The following CENPS variants were observed in gnomAD, a reference collection of about 807,000 sequenced individuals.
CENPS encodes centromere protein S, also known as FANCM associated histone fold protein 1.
CENPS carries 16 observed loss-of-function variants against 17.9 expected under a neutral mutation model. The ratio of observed to expected loss-of-function variants is 0.90; its 90% CI spans 0.61 to 1.36. The LOEUF (loss-of-function observed/expected upper bound fraction) is 1.36, where lower values mean the gene tolerates loss of function less well. CENPS is among the 40% of genes most tolerant of loss of function. The pLI, the probability that CENPS is intolerant of heterozygous loss-of-function variation, is 0.00. For synonymous variants in CENPS, 49 were observed against 55.8 expected, an observed-to-expected ratio of 0.88 and a Z score of 0.54; for missense variants, 160 against 158.6, an observed-to-expected ratio of 1.01 and a Z score of -0.05.
intron 1 of CENPS, chr1:10,431,527 CT>C: frequency 8.2e-7 from 1 of 1,219,316 alleles, no homozygotes; most frequent in Non-Finnish European, 1.1e-6. Context: ...GACACTTCGC[CT>C]TTACATTTTA....
intron 3 of CENPS, 166 bp from the exon 4 acceptor site, chr1:10,440,181 G>A (rs1640347110): frequency 1.2e-6 from 1 of 868,904 alleles, no homozygotes; most frequent in Non-Finnish European, 1.7e-6. Context: ...GGGGTCTTAG[G>A]AACTTCACTA....
chr1:10,442,297 T>G lies in CENPS; in HGVS notation c.309T>G (p.Ile103Met). The G allele has an allele frequency of 6.3e-7, 1 of 1,598,752 alleles. No homozygotes were observed. ...ACATCACAGACAAAAGTGAAGAGAT[T>G]GCTCAGATTAACCTAGAACGAAAAG... ...LKYITDKSEE[I>M]AQINLERKAQ... is the part of the protein sequence containing the mutation. The change falls in exon 5 of 5, where the codon ATT becomes ATG. Residue 103 changes from isoleucine (I) to methionine (M), a missense_variant. Transcript: ENST00000309048.
chr1:10,433,205 CCT>C (rs1485955272), intron 1 of CENPS, among the ~76,000 whole-genome samples: 1 of 152,290 alleles, frequency 6.6e-6, no homozygotes, highest in South Asian at 2.1e-4. Context: ...CTCATCCTCC[CCT>C]CTCGGTAATT....
chr1:10,436,708 T>TAAAAAAAA (rs550913401), intron 3 of CENPS, among the ~76,000 whole-genome samples: 3 of 125,002 alleles, frequency 2.4e-5, no homozygotes, highest in Admixed American at 1.7e-4. Context: ...TCTGTCTCTT[T>TAAAAAAAA]AAAAAAAAAA....
intron 4 of CENPS, 121 bp downstream of exon 4, chr1:10,440,534 G>A: frequency 7.6e-7 from 1 of 1,317,892 alleles, no homozygotes; most frequent in Non-Finnish European, 1.0e-6. Context: ...AGAGGTGGCT[G>A]AACCATTCAG....
Position 10,442,348 on chromosome 1 carries a change from T to C in CENPS, c.360T>C (p.Asp120=). 6.2e-7 allele frequency: 1 copy of C among 1,606,720 alleles called. No individual in the cohort carries two copies. The change falls in exon 5 of 5, where the codon GAT becomes GAC. Residue 120 remains aspartate (D), a synonymous_variant. Transcript: ENST00000309048. ...RKAQKKKKSE[D]GSKNSRQPAE... is the part of the protein sequence containing the mutation. ...CACAGAAGAAAAAGAAGTCAGAGGA[T>C]GGAAGCAAAAATTCAAGGCAGCCAG...
intron 1 of CENPS, among the ~76,000 whole-genome samples, chr1:10,431,904 GTCCCACTCAGGA>G (rs1408717367): frequency 2.7e-5 from 4 of 147,536 alleles, no homozygotes; most frequent in Non-Finnish European, 6.0e-5. Flanking sequence ...TCAATAAATT[GTCCCACTCAGGA>G]AGTGGGACAA....
chr1:10,440,568 GC>G (rs1357124259), intron 4 of CENPS, among the ~76,000 whole-genome samples, 155 bp downstream of exon 4: 1 of 152,178 alleles, frequency 6.6e-6, no homozygotes, highest in Admixed American at 6.5e-5. Context: ...TTACAGTCTT[GC>G]TTTCATTATG....
chr1:10,431,422 C>T lies in CENPS; in HGVS notation c.51+854C>T, dbSNP rs1043716951. 17 of 1,534,564 alleles carry T rather than the reference C, an allele frequency of 1.1e-5. No individual in the cohort carries two copies. The African/African-American group carries it at 1.4e-4, about 12-fold the overall frequency. On this transcript the variant is annotated intron_variant, in intron 1 of 4. Transcript: ENST00000309048. ...ACACGGTACAGAATGCCCAGATGCC[C>T]GTCACCTTGATTCACCACTAGTTAG...
At chr1:10,439,759 G>A (rs1368176825) in intron 3 of CENPS, among the ~76,000 whole-genome samples, 1 of 151,956 alleles carries the variant, frequency 6.6e-6, no homozygotes, top group Non-Finnish European at 1.5e-5. Context: ...AAAGAAGAAA[G>A]AAGGATGTTC....
chr1:10,431,848 C>CGCGAG (rs1557773445), intron 1 of CENPS, among the ~76,000 whole-genome samples: 1 of 99,334 alleles, frequency 1.0e-5, no homozygotes, highest in Non-Finnish European at 1.9e-5. Context: ...AGCGAGACTC[C>CGCGAG]ATCTCAGAAA....
At chr1:10,431,197 G>A (rs1164001571) in intron 1 of CENPS, 3 of 1,500,706 alleles carry the variant, frequency 2.0e-6, no homozygotes, top group African/African-American at 2.8e-5. Flanking sequence ...CGGGCATATG[G>A]GGCGTCAGAG....
chr1:10,440,432 TC>T lies in CENPS; in HGVS notation c.276+21del. On this transcript the variant is annotated intron_variant, in intron 4 of 4. Coordinates refer to ENST00000309048, the MANE Select transcript of CENPS (RefSeq NM_199294.3). The stretch of plus-strand genomic sequence containing the variant: ...TTCACTGGTGAGAGATGAATTTCTT[TC>T]CTCACTCCCCTTTCCCATCGGAATA... The T allele has an allele frequency of 3.7e-6, 6 of 1,613,410 alleles. No homozygotes were observed. Among genetic ancestry groups the T allele is most frequent in the Non-Finnish European group, 5.1e-6 (6 of 1,179,796 alleles).
rs1405520586 is a variant in CENPS, at chr1:10,435,706, T to TACACACACACACACAC, written c.209+1017_209+1018insCACACACACACACACA. ...AAAATTTAAATACTTAAAAATAATA[T>TACACACACACACACAC]ATATATATATACACACACACACACA... On this transcript the variant is annotated intron_variant, in intron 3 of 4. Coordinates refer to ENST00000309048, the MANE Select transcript of CENPS (RefSeq NM_199294.3). 3.7e-3 allele frequency among the ~76,000 whole-genome samples: 524 copies of TACACACACACACACAC among 141,800 alleles called. 6 individuals are homozygous for TACACACACACACACAC. The highest frequency in any genetic ancestry group is 5.9e-3 in the East Asian group (28 of 4,710). 93.0% of individuals were successfully genotyped at this position (141,800 alleles called of 152,430 possible).
chr1:10,430,833 CACCT>C, intron 1 of CENPS: 1 of 1,338,666 alleles, frequency 7.5e-7, no homozygotes, highest in Non-Finnish European at 9.5e-7. Context: ...GGCGAGAGGC[CACCT>C]TCTGGCCTTG....
At position 10,430,437 on chromosome 1, in the gene CENPS, C is replaced by A. The variant is rs1253853141; in HGVS notation, c.-81C>A. On this transcript the variant is annotated 5_prime_UTR_variant, in exon 1 of 5. Coordinates refer to ENST00000309048, the MANE Select transcript of CENPS (RefSeq NM_199294.3). The stretch of plus-strand genomic sequence containing the variant: ...CGCCCGCGCGGCCCGTCGCTCGCGC[C>A]GCGGCGGGAAAATCCGACCTGGCCG... The A allele has an allele frequency of 4.0e-6, 6 of 1,516,008 alleles. No homozygotes were observed. The African/African-American group carries it at 4.4e-5, about 11-fold the overall frequency. The allele number at this position is 1,516,008 out of a possible 1,614,324, so 93.9% of individuals were successfully genotyped here. A position where few individuals can be genotyped will look rare whatever the true frequency, so the allele number is the denominator to read the frequency against.
intron 3 of CENPS, among the ~76,000 whole-genome samples, chr1:10,435,708 T>TACAC (rs1334818968): frequency 7.7e-5 from 11 of 143,782 alleles, no homozygotes; most frequent in African/African-American, 2.6e-4. Flanking sequence ...AAATAATATA[T>TACAC]ATATATATAC....
At chr1:10,431,415 A>G (rs1639907839) in intron 1 of CENPS, 4 of 1,535,282 alleles carry the variant, frequency 2.6e-6, no homozygotes, top group Non-Finnish European at 3.5e-6. Flanking sequence ...CAGAATGCCC[A>G]GATGCCCGTC....
intron 3 of CENPS, among the ~76,000 whole-genome samples, chr1:10,435,232 C>T (rs1398726355): frequency 1.3e-5 from 2 of 152,170 alleles, no homozygotes; most frequent in Non-Finnish European, 2.9e-5. Flanking sequence ...ATTTATGCTC[C>T]GCTCTTCAAT....
Sources: allele counts gnomAD v4.1 joint callset (sites outside exome capture counted in the v4.1 genomes callset), GRCh38; gene constraint gnomAD v4.1.1; transcripts MANE v1.5; gene names NCBI Gene and HGNC (gene_info 2026-07-23, HGNC 2026-07-21).